Variants in HOOK1 observed in about 807,000 individuals in gnomAD.
HOOK1 encodes the protein protein Hook homolog 1.
In HOOK1, 60 loss-of-function variants were observed where a neutral mutation model predicts 112.8. The ratio of observed to expected loss-of-function variants is 0.53; its 90% CI spans 0.43 to 0.66. HOOK1 has a LOEUF of 0.66. Ranked by LOEUF, HOOK1 falls within the 30% of genes least tolerant of loss-of-function variation. HOOK1 has a pLI of 0.00. For missense variants in HOOK1, 770 were observed against 856.0 expected (o/e 0.90, Z 1.25); for synonymous variants, 294 against 283.8 (o/e 1.04, Z -0.36).
At chr1:59,853,647 C>CT (rs2098408444) in intron 12 of HOOK1, among the ~76,000 whole-genome samples, 1 of 151,718 alleles carries the variant, frequency 6.6e-6, no homozygotes, top group Non-Finnish European at 1.5e-5. Flanking sequence ...TTCTGTATGT[C>CT]TTTTTTTCTC....
In HOOK1 at chr1:59,849,237, A is replaced by T. The variant is rs977180446; in HGVS notation, c.1242+54A>T. On this transcript the variant is annotated intron_variant, in intron 12 of 21. Transcript: ENST00000371208. ...ATTTCATTGTTCTTTTAGTTTTGTAATGCCCTTGCTGTTTCTATAATCGTG... is the reference window on the plus strand; with the variant it reads ...ATTTCATTGTTCTTTTAGTTTTGTATTGCCCTTGCTGTTTCTATAATCGTG... 1.4e-5 allele frequency: 17 copies of T among 1,194,388 alleles called. No homozygotes were observed. The African/African-American group carries it at 2.5e-4, about 17-fold the overall frequency. 74.0% of individuals were successfully genotyped at this position (1,194,388 alleles called of 1,614,324 possible).
chr1:59,867,089 A>T (rs1643979411), intron 19 of HOOK1, among the ~76,000 whole-genome samples: 1 of 152,206 alleles, frequency 6.6e-6, no homozygotes, highest in South Asian at 2.1e-4. Context: ...TTTAAAAGAC[A>T]GTTGCTTGCT....
At chr1:59,855,964 T>TAAAAAAAAA (rs1559058013) in intron 12 of HOOK1, among the ~76,000 whole-genome samples, 23 of 92,634 alleles carry the variant, frequency 2.5e-4, no homozygotes, top group African/African-American at 1.4e-3. Flanking sequence ...ATATATAAAT[T>TAAAAAAAAA]ATTATATATA....
chr1:59,821,754 T>C (rs1263477067), intron 1 of HOOK1, 104 bp from the exon 2 acceptor site: 4 of 774,156 alleles, frequency 5.2e-6, no homozygotes, highest in Middle Eastern at 2.7e-4. Context: ...ACCATGTTTT[T>C]TTTTTTTGTT....
rs1234676242 is a variant in HOOK1 at position 59,874,494 on chromosome 1, C to G, written c.*1529C>G. 1 of 152,076 alleles carries G rather than the reference C, an allele frequency of 6.6e-6. No homozygotes were observed. The highest frequency in any genetic ancestry group is 2.4e-5 in the African/African-American group (1 of 41,416). The allele number at this position is 152,076 out of a possible 1,614,324, so 9.4% of individuals were successfully genotyped here. ...ATACCTATCAGCAGTGTGTTTAGAC[C>G]AGGGGTCTGCAAACTTTCTGTGAAT... On this transcript the variant is annotated 3_prime_UTR_variant, in exon 22 of 22. Transcript: ENST00000371208.
At position 59,815,134 on chromosome 1, in the gene HOOK1, C is replaced by T. The variant is rs776273079; in HGVS notation, c.17C>T (p.Pro6Leu). 1.3e-4 allele frequency: 204 copies of T among 1,541,916 alleles called. No individual in the cohort carries two copies. Among genetic ancestry groups the T allele is most frequent in the South Asian group, 4.8e-5 (4 of 84,006 alleles). Residue 6 changes from proline to leucine, a missense_variant, in exon 1 of 22, where the codon CCG (proline) becomes CTG (leucine). Around this residue, in one of 3 missense-constraint regions of HOOK1, gnomAD observed 655 missense variants for 725.9 expected, o/e 0.90. Transcript: ENST00000371208. ...GCGCCGGCCATGGAGGAGACGCAGC[C>T]GCCGCCGCAGCCTAAGCTGCCCCTG... MEETQ[P>L]PPQPKLPLCD...
intron 6 of HOOK1, 39 bp from the exon 7 acceptor site, chr1:59,836,834 C>T: frequency 9.0e-7 from 1 of 1,110,514 alleles, no homozygotes; most frequent in South Asian, 1.4e-5. Context: ...TCATAAACAT[C>T]ACATTGTTAT....
rs751616966 is a variant in HOOK1, at chr1:59,840,317, G to C, written c.547G>C (p.Ala183Pro). Residue 183 changes from alanine (A) to proline (P), a missense_variant, in exon 8 of 22, where the codon GCC becomes CCC. By Grantham distance (27) the Ala-to-Pro change is conservative. Coordinates refer to ENST00000371208, the MANE Select transcript of HOOK1 (RefSeq NM_015888.6). ...ACATTTTGTATTTCAGCTTAAAAGAGCCTTGGAAGAACTTCAGGAAGCACT... is the reference window on the plus strand; with the variant it reads ...ACATTTTGTATTTCAGCTTAAAAGACCCTTGGAAGAACTTCAGGAAGCACT... ...VGELEQQLKR[A>P]LEELQEALAE... The C allele has an allele frequency of 1.9e-6, 3 of 1,578,664 alleles. No homozygotes were observed. In the African/African-American group the frequency reaches 4.1e-5, roughly 22 times the overall value.
At chr1:59,844,004 C>T (rs146732072) in intron 9 of HOOK1, among the ~76,000 whole-genome samples, 1 of 152,104 alleles carries the variant, frequency 6.6e-6, no homozygotes, top group African/African-American at 2.4e-5. Context: ...TTAACAAAGT[C>T]ATGTATCCTT....
rs140160090 is a variant in HOOK1 at position 59,847,116 on chromosome 1, A to G, written c.860A>G (p.His287Arg). 1 of 1,608,338 alleles carries G rather than the reference A, an allele frequency of 6.2e-7. No homozygotes were observed. Among genetic ancestry groups the G allele is most frequent in the Non-Finnish European group, 8.5e-7 (1 of 1,176,742 alleles). The part of the protein sequence containing the change: ...ELEKQLIEFQ[H>R]RNDELTSLAE... ...GAAAAGCAGCTAATCGAATTCCAGC[A>G]TAGGAATGATGAATTGACTAGTCTT... is the stretch of plus-strand genomic sequence containing the variant. The change falls in exon 10 of 22, where the codon CAT becomes CGT. Residue 287 changes from histidine (H) to arginine (R), a missense_variant. Physicochemically the swap from His to Arg is conservative, Grantham distance 29. Around this residue, in one of 3 missense-constraint regions of HOOK1, gnomAD observed 655 missense variants for 725.9 expected, o/e 0.90. Transcript: ENST00000371208.
chr1:59,836,845 A>G (rs374680142), intron 6 of HOOK1, 28 bp from the exon 7 acceptor site: 32 of 1,224,940 alleles, frequency 2.6e-5, no homozygotes, highest in Admixed American at 3.6e-5. Context: ...ACATTGTTAT[A>G]CTTAATTTTA....
intron 12 of HOOK1, among the ~76,000 whole-genome samples, chr1:59,854,013 TATATATATATATATATATATA>T (rs1559056834): frequency 1.0e-4 from 2 of 19,708 alleles, no homozygotes; most frequent in Non-Finnish European, 2.6e-4. Flanking sequence ...TATATATATA[TATATATATATATATATATATA>T]TATATTTTTT....
Position 59,843,443 on chromosome 1 carries a change from T to C in HOOK1, c.633T>C (p.Leu211=). 6.2e-7 allele frequency: 1 copy of C among 1,608,906 alleles called. No individual in the cohort carries two copies. The highest frequency in any genetic ancestry group is 8.5e-7 in the Non-Finnish European group (1 of 1,177,688). ...CEELDMQVTT[L]QDEKNSLVSE... ...TATTTGTTTCTTAGGTGACTACACTTCAAGATGAAAAGAATTCACTGGTTT... is the reference window on the plus strand; with the variant it reads ...TATTTGTTTCTTAGGTGACTACACTCCAAGATGAAAAGAATTCACTGGTTT... Residue 211 remains leucine, a synonymous_variant, in exon 9 of 22, where the codon CTT becomes CTC. Coordinates refer to ENST00000371208, the MANE Select transcript of HOOK1 (RefSeq NM_015888.6).
At chr1:59,823,276 T>C (rs533401174) in intron 2 of HOOK1, among the ~76,000 whole-genome samples, 44 of 152,314 alleles carry the variant, frequency 2.9e-4, no homozygotes, top group African/African-American at 4.6e-4. Context: ...GCCGAGATCC[T>C]GCCACTGCAC....
Position 59,864,616 on chromosome 1 carries a change from T to G in HOOK1, c.1627-16T>G, listed in dbSNP as rs1374810469. Reference sequence around the variant, plus strand: ...CAAGATAGTCATCTTACAGCAATTTTTTTTAAATTTTATAGTCCAGCAAAT... The same window carrying G: ...CAAGATAGTCATCTTACAGCAATTTGTTTTAAATTTTATAGTCCAGCAAAT... On this transcript the variant is annotated splice_polypyrimidine_tract_variant and intron_variant, in intron 16 of 21. Transcript: ENST00000371208. 1.1e-5 allele frequency: 16 copies of G among 1,509,100 alleles called. No individual in the cohort carries two copies. Among genetic ancestry groups the G allele is most frequent in the Non-Finnish European group, 1.5e-5 (16 of 1,091,416 alleles). 93.5% of individuals were successfully genotyped at this position (1,509,100 alleles called of 1,614,324 possible). A position where few individuals can be genotyped will look rare whatever the true frequency, so the allele number is the denominator to read the frequency against.
rs548259545 is a variant in HOOK1 at position 59,826,342 on chromosome 1, G to GA, written c.150-2425dup. Among the ~76,000 whole-genome samples the GA allele has an allele frequency of 2.1e-3, 284 of 136,548 alleles. 1 individual carries two copies. The highest frequency in any genetic ancestry group is 3.8e-3 in the African/African-American group (143 of 37,342). 89.6% of individuals were successfully genotyped at this position (136,548 alleles called of 152,430 possible). A position where few individuals can be genotyped will look rare whatever the true frequency, so the allele number is the denominator to read the frequency against. ...GGTTGTAGAGGTTGCAGCGCAAAAG[G>GA]AAAAAAAAAAAAAGAGATGCCCTGA... On this transcript the variant is annotated intron_variant, in intron 2 of 21. Coordinates refer to ENST00000371208, the MANE Select transcript of HOOK1 (RefSeq NM_015888.6).
chr1:59,830,572 G>T lies in HOOK1; in HGVS notation c.223-1591G>T, dbSNP rs1275297552. ...TTTTCCATTCTTTTAATCTGCCTAT[G>T]TCTTTTTATTGAAAGTGTTTCATGT... On this transcript the variant is annotated intron_variant, in intron 3 of 21. Transcript: ENST00000371208. Among the ~76,000 whole-genome samples the T allele has an allele frequency of 7.2e-5, 11 of 151,868 alleles. No homozygotes were observed. The East Asian group carries it at 2.1e-3, about 29-fold the overall frequency.
In HOOK1 at chr1:59,872,939, A is replaced by T. The variant is rs1370805717; in HGVS notation, c.2161A>T (p.Lys721Ter). The change falls in exon 22 of 22, where the codon AAA (lysine) becomes TAA (stop). Residue 721 changes from lysine to a stop codon, truncating the protein, a stop_gained. Transcript: ENST00000371208. LOFTEE classifies it high-confidence loss of function. ...ITNTRRNLSVKVPATTSD is the reference protein window; with the variant it reads ...ITNTRRNLSV ...CAACACCAGAAGAAATCTCTCTGTT[A>T]AAGTCCCTGCTACAACATCTGATTA... 43 of 1,512,362 alleles carry T rather than the reference A, an allele frequency of 2.8e-5. No homozygotes were observed. The highest frequency in any genetic ancestry group is 1.8e-6 in the Non-Finnish European group (2 of 1,120,936). 93.7% of individuals were successfully genotyped at this position (1,512,362 alleles called of 1,614,324 possible). A position where few individuals can be genotyped will look rare whatever the true frequency, so the allele number is the denominator to read the frequency against.
intron 1 of HOOK1, among the ~76,000 whole-genome samples, chr1:59,815,568 C>A (rs2098380715): frequency 6.6e-6 from 1 of 152,018 alleles, no homozygotes; most frequent in Non-Finnish European, 1.5e-5. Context: ...GACTCTCTTG[C>A]CTTGGTCCGC....
Sources: gnomAD v4.1 joint callset for allele counts (sites outside exome capture counted in the v4.1 genomes callset) on GRCh38, gnomAD v4.1.1 for gene constraint, gnomAD v4.1.1 regional missense constraint, MANE v1.5 for transcripts, NCBI Gene and HGNC (gene_info 2026-07-23, HGNC 2026-07-21) for gene names.